Variants in ZMYM4 observed in about 807,000 individuals in gnomAD.
The protein encoded by ZMYM4 is zinc finger MYM-type protein 4.
In ZMYM4, 31 loss-of-function variants were observed where a neutral mutation model predicts 183.2. The ratio of observed to expected loss-of-function variants is 0.17; its 90% CI spans 0.13 to 0.23. The LOEUF (loss-of-function observed/expected upper bound fraction) is 0.23. Among genes scored for constraint, ZMYM4 ranks in the 10% least tolerant of loss-of-function variants. The pLI is 1.00. For synonymous variants in ZMYM4, 592 were observed against 631.2 expected, an observed-to-expected ratio of 0.94 and a Z score of 0.93; for missense variants, 1,273 against 1,840.3, an observed-to-expected ratio of 0.69 and a Z score of 5.64.
chr1:35,324,342 C>T (rs1227967324), intron 1 of ZMYM4, among the ~76,000 whole-genome samples: 1 of 152,068 alleles, frequency 6.6e-6, no homozygotes, highest in Non-Finnish European at 1.5e-5. Flanking sequence ...TGTGATCCGC[C>T]CACCTCAGCC....
At position 35,350,988 on chromosome 1, in the gene ZMYM4, G is replaced by A. The variant is rs115230585; in HGVS notation, c.86-7937G>A. The A allele has an allele frequency of 5.0e-3, 4,148 of 826,712 alleles. 116 individuals carry two copies. In the African/African-American group the frequency reaches 0.061, roughly 12 times the overall value. 51.2% of individuals were successfully genotyped at this position (826,712 alleles called of 1,614,324 possible). ...ACTGCCAAAATATGGTTTGAAGGTT[G>A]GCCTGACAAATTATGCTGCAGCGCA... On this transcript the variant is annotated intron_variant, in intron 2 of 29. Transcript: ENST00000314607.
chr1:35,365,239 CTTTT>C (rs746304675), intron 5 of ZMYM4, among the ~76,000 whole-genome samples: 4 of 85,316 alleles, frequency 4.7e-5, no homozygotes, highest in Non-Finnish European at 9.7e-5. Context: ...TAATCAAAGT[CTTTT>C]TTTTTTTTTT....
chr1:35,392,050 A>G (rs1429202296), intron 15 of ZMYM4, among the ~76,000 whole-genome samples, 162 bp from the exon 16 acceptor site: 1 of 152,184 alleles, frequency 6.6e-6, no homozygotes, highest in Non-Finnish European at 1.5e-5. Context: ...CAAAAAGAAA[A>G]AAAAAAAGAA....
At chr1:35,363,004 C>T (rs979164089) in intron 5 of ZMYM4, among the ~76,000 whole-genome samples, 2 of 152,242 alleles carry the variant, frequency 1.3e-5, no homozygotes, top group Non-Finnish European at 2.9e-5. Flanking sequence ...AATCCCATCT[C>T]TACTAAAAAT....
chr1:35,288,979 T>C (rs750214438), intron 1 of ZMYM4, among the ~76,000 whole-genome samples: 1 of 152,164 alleles, frequency 6.6e-6, no homozygotes, highest in Non-Finnish European at 1.5e-5. Flanking sequence ...TGAACAAATA[T>C]TTAGGACATG....
At chr1:35,303,108 A>C (rs79331295) in intron 1 of ZMYM4, among the ~76,000 whole-genome samples, 2,008 of 151,230 alleles carry the variant, frequency 0.013, 46 homozygotes, top group African/African-American at 0.046. Flanking sequence ...AAAAAAAAAA[A>C]CAAAAAAACC....
intron 2 of ZMYM4, among the ~76,000 whole-genome samples, chr1:35,356,400 G>T (rs1001089903): frequency 6.6e-6 from 1 of 152,120 alleles, no homozygotes; most frequent in Non-Finnish European, 1.5e-5. Flanking sequence ...ATGATGAAAC[G>T]TTGAGATGGC....
At chr1:35,396,516 C>G in intron 18 of ZMYM4, 36 bp from the exon 19 acceptor site, 1 of 1,609,838 alleles carries the variant, frequency 6.2e-7, no homozygotes, top group Non-Finnish European at 8.5e-7. Context: ...TTCTAACCCT[C>G]TTTGCTTTTT....
At chr1:35,391,543 T>TA (rs200821384) in intron 15 of ZMYM4, among the ~76,000 whole-genome samples, 29 of 151,620 alleles carry the variant, frequency 1.9e-4, no homozygotes, top group Admixed American at 1.7e-3. Context: ...CTCCAAAACT[T>TA]AAAAAAAAAT....
intron 18 of ZMYM4, among the ~76,000 whole-genome samples, chr1:35,394,162 C>CTTTTTTTTTTTTTTTTTTTTTTTT (rs34277367): frequency 4.4e-5 from 3 of 68,430 alleles, no homozygotes; most frequent in African/African-American, 1.8e-4. Flanking sequence ...TCAGAGCTTT[C>CTTTTTTTTTTTTTTTTTTTTTTTT]TTTTTTTTTT....
rs1643887950 is a variant in ZMYM4, at chr1:35,359,186, G to A, written c.347G>A (p.Arg116Lys). The A allele has an allele frequency of 1.9e-6, 3 of 1,613,308 alleles. No homozygotes were observed. The highest frequency in any genetic ancestry group is 2.5e-6 in the Non-Finnish European group (3 of 1,179,610). ...GATGATAGCTTGGAAGTAGAGAGAA[G>A]AGTCACACAGCATGAATCAGACAAT... is the stretch of plus-strand genomic sequence containing the variant. ...HTDDSLEVER[R>K]VTQHESDNEN... The change falls in exon 3 of 30, where the codon AGA becomes AAA. Residue 116 changes from arginine (R) to lysine (K), a missense_variant. Arg to Lys is a conservative substitution (Grantham distance 26). Around this residue, in one of 6 missense-constraint regions of ZMYM4, gnomAD observed 384 missense variants for 465.6 expected, o/e 0.82. Transcript: ENST00000314607.
chr1:35,355,583 C>T (rs893325203), intron 2 of ZMYM4, among the ~76,000 whole-genome samples: 2 of 152,044 alleles, frequency 1.3e-5, no homozygotes, highest in Non-Finnish European at 2.9e-5. Context: ...TGAAATAAAA[C>T]CTTTTAAATC....
At chr1:35,355,552 A>G (rs903428837) in intron 2 of ZMYM4, among the ~76,000 whole-genome samples, 1 of 152,078 alleles carries the variant, frequency 6.6e-6, no homozygotes, top group African/African-American at 2.4e-5. Context: ...TTATCTTTTA[A>G]GGAAATTACC....
At chr1:35,276,454 A>G (rs563199607) in intron 1 of ZMYM4, among the ~76,000 whole-genome samples, 1 of 152,324 alleles carries the variant, frequency 6.6e-6, no homozygotes, top group African/African-American at 2.4e-5. Context: ...ACGACCTAAC[A>G]AAAGAGTTCC....
Position 35,421,678 on chromosome 1 carries a change from T to G in ZMYM4, c.*2001T>G, listed in dbSNP as rs576831795. The stretch of plus-strand genomic sequence containing the variant: ...TAGTCCACAGAGTTGCCCAGAACCC[T>G]AAATTTATTCATAAGAGAAAATATT... On this transcript the variant is annotated 3_prime_UTR_variant, in exon 30 of 30. Transcript: ENST00000314607. 6.6e-6 allele frequency: 1 copy of G among 152,356 alleles called. No individual in the cohort carries two copies. The highest frequency in any genetic ancestry group is 1.9e-4 in the East Asian group (1 of 5,196). 9.4% of individuals were successfully genotyped at this position (152,356 alleles called of 1,614,324 possible).
intron 1 of ZMYM4, among the ~76,000 whole-genome samples, chr1:35,293,975 A>G (rs139152733): frequency 1.4e-4 from 22 of 152,248 alleles, no homozygotes; most frequent in African/African-American, 4.6e-4. Context: ...CTCTACTAAA[A>G]ACACAAAAAA....
At chr1:35,400,234 C>G (rs1420920220) in intron 23 of ZMYM4, 3 of 113,720 alleles carry the variant, frequency 2.6e-5, no homozygotes, top group Non-Finnish European at 5.0e-5. Context: ...CGGAGTTTCG[C>G]TCTGTCACCC....
intron 1 of ZMYM4, among the ~76,000 whole-genome samples, chr1:35,304,279 C>T (rs1289594481): frequency 6.6e-6 from 1 of 152,096 alleles, no homozygotes; most frequent in Non-Finnish European, 1.5e-5. Flanking sequence ...CCGCCTTGGT[C>T]TCCCAAAGTG....
rs1640315351 is a variant in ZMYM4, at chr1:35,421,185, T to C, written c.*1508T>C. On this transcript the variant is annotated 3_prime_UTR_variant, in exon 30 of 30. Coordinates refer to ENST00000314607, the MANE Select transcript of ZMYM4 (RefSeq NM_005095.3). ...GCAGGTGTATTTCTTTTTTAACAAATAAAAGGCATTTAAGTAAAACTAAAA... is the reference window on the plus strand; with the variant it reads ...GCAGGTGTATTTCTTTTTTAACAAACAAAAGGCATTTAAGTAAAACTAAAA... 6.6e-6 allele frequency: 1 copy of C among 152,604 alleles called. No homozygotes were observed. The highest frequency in any genetic ancestry group is 2.1e-4 in the South Asian group (1 of 4,836). The allele number at this position is 152,604 out of a possible 1,614,324, so 9.5% of individuals were successfully genotyped here. A position where few individuals can be genotyped will look rare whatever the true frequency, so the allele number is the denominator to read the frequency against.
Sources: gnomAD v4.1 joint callset for allele counts (sites outside exome capture counted in the v4.1 genomes callset) on GRCh38, gnomAD v4.1.1 for gene constraint, gnomAD v4.1.1 regional missense constraint, MANE v1.5 for transcripts, NCBI Gene and HGNC (gene_info 2026-07-23, HGNC 2026-07-21) for gene names.